SEL1L2: variants seen among roughly 807,000 people sequenced by gnomAD.
SEL1L2 encodes the protein SEL1L2 adaptor subunit of SYVN1 ubiquitin ligase.
A neutral mutation model predicts 98.8 loss-of-function variants in SEL1L2; 89 were observed. That is an observed-to-expected ratio of 0.90 (90% CI 0.76 to 1.07). The LOEUF is 1.07. Ranked by LOEUF, SEL1L2 falls within the 50% of genes least tolerant of loss-of-function variation. The probability of loss-of-function intolerance (pLI) is 0.00; values close to 1 mark genes in which losing one functional copy is unlikely to be tolerated. For synonymous variants in SEL1L2, 262 were observed against 278.5 expected (o/e 0.94, Z 0.59); for missense variants, 788 against 812.0 (o/e 0.97, Z 0.36).
intron 9 of SEL1L2, 23 bp from the exon 10 acceptor site, chr20:13,885,426 T>C: frequency 6.7e-7 from 1 of 1,499,678 alleles, no homozygotes; most frequent in Non-Finnish European, 9.3e-7. Context: ...AGTTTGGAAA[T>C]GATTTTAGCA....
Position 13,876,097 on chromosome 20 carries a change from C to A in SEL1L2, c.1045G>T (p.Ala349Ser). ...FIGKMYLEGN[A>S]AVPQNNATAF... ...GTAGCGTTATTTTGCGGCACGGCAG[C>A]ATTCCCCTCTAAATACATCTAGGAA... The change falls in exon 12 of 20, where the codon GCT (alanine) becomes TCT (serine). Residue 349 changes from alanine (A) to serine (S), a missense_variant. Coordinates refer to ENST00000284951, the MANE Select transcript of SEL1L2 (RefSeq NM_025229.2). The A allele has an allele frequency of 2.5e-6, 4 of 1,613,684 alleles. No individual in the cohort carries two copies. The South Asian group carries it at 4.4e-5, about 18-fold the overall frequency.
At chr20:13,898,792 G>A (rs986919096) in intron 5 of SEL1L2, among the ~76,000 whole-genome samples, 1 of 152,156 alleles carries the variant, frequency 6.6e-6, no homozygotes, top group Non-Finnish European at 1.5e-5. Context: ...ACCCAGGCTG[G>A]AGTACAATGG....
chr20:13,977,555 T>C (rs1310060238), intron 1 of SEL1L2, among the ~76,000 whole-genome samples: 1 of 152,110 alleles, frequency 6.6e-6, no homozygotes, highest in African/African-American at 2.4e-5. Context: ...TCTTGGGATA[T>C]ACATAAAATG....
At chr20:13,916,842 T>A (rs1299385460) in intron 4 of SEL1L2, among the ~76,000 whole-genome samples, 1 of 151,910 alleles carries the variant, frequency 6.6e-6, no homozygotes, top group Non-Finnish European at 1.5e-5. Context: ...AGACTGAGTT[T>A]TGGGGCAAGG....
intron 1 of SEL1L2, among the ~76,000 whole-genome samples, chr20:13,958,722 G>A (rs1396100994): frequency 6.6e-6 from 1 of 151,692 alleles, no homozygotes; most frequent in African/African-American, 2.4e-5. Context: ...AGATCACGAG[G>A]TCAGGAGATC....
upstream of SEL1L2, chr20:13,990,665 C>T (rs1344825228): frequency 1.8e-5 from 12 of 662,542 alleles, no homozygotes; most frequent in Admixed American, 2.9e-5. Flanking sequence ...TACTCTTGGG[C>T]CAATGGGCTG....
chr20:13,856,575 C>T (rs1296308135), intron 18 of SEL1L2, among the ~76,000 whole-genome samples: 1 of 152,144 alleles, frequency 6.6e-6, no homozygotes, highest in African/African-American at 2.4e-5. Context: ...GTTCCCAGAA[C>T]AATGATGCAG....
intron 1 of SEL1L2, among the ~76,000 whole-genome samples, chr20:13,966,879 C>CTTTTTTTT (rs35292120): frequency 1.2e-4 from 12 of 104,138 alleles, no homozygotes; most frequent in Admixed American, 3.7e-4. Context: ...AGAGACCTGT[C>CTTTTTTTT]TTTTTTTTTT....
chr20:13,950,749 G>A (rs898751069), intron 2 of SEL1L2, among the ~76,000 whole-genome samples: 1 of 152,152 alleles, frequency 6.6e-6, no homozygotes, highest in East Asian at 1.9e-4. Flanking sequence ...GAAAGACCAC[G>A]AGCTACGTTT....
At chr20:13,932,425 TA>T (rs1300857293) in intron 2 of SEL1L2, among the ~76,000 whole-genome samples, 1 of 149,054 alleles carries the variant, frequency 6.7e-6, no homozygotes, top group East Asian at 2.0e-4. Flanking sequence ...TTATTATTAT[TA>T]TTATTATTAT....
intron 2 of SEL1L2, among the ~76,000 whole-genome samples, chr20:13,950,186 G>T (rs1476323535): frequency 3.9e-5 from 6 of 152,052 alleles, no homozygotes; most frequent in Non-Finnish European, 7.4e-5. Flanking sequence ...GGAATGGAGA[G>T]GTTTTTGTTT....
chr20:13,865,129 G>A (rs1395483847), intron 17 of SEL1L2, 38 bp downstream of exon 17: 4 of 1,519,848 alleles, frequency 2.6e-6, no homozygotes, highest in Non-Finnish European at 3.6e-6. Context: ...CAGAGGACAG[G>A]GACCGGGTAT....
chr20:13,908,898 C>G (rs552535882), intron 5 of SEL1L2, among the ~76,000 whole-genome samples: 1 of 152,218 alleles, frequency 6.6e-6, no homozygotes, highest in African/African-American at 2.4e-5. Flanking sequence ...TTGTACATAC[C>G]CAGAAATTGC....
intron 3 of SEL1L2, among the ~76,000 whole-genome samples, chr20:13,920,046 T>C (rs1333986847): frequency 6.6e-6 from 1 of 151,842 alleles, no homozygotes; most frequent in African/African-American, 2.4e-5. Flanking sequence ...CTGGCCAACA[T>C]GGTGAAACCC....
intron 3 of SEL1L2, among the ~76,000 whole-genome samples, chr20:13,921,471 C>T (rs980635272): frequency 4.6e-5 from 7 of 152,200 alleles, no homozygotes; most frequent in Middle Eastern, 3.4e-3. Flanking sequence ...CACACTCAGC[C>T]GCTGTTTATT....
At chr20:13,953,684 AG>A (rs1244839617) in intron 2 of SEL1L2, among the ~76,000 whole-genome samples, 2 of 152,216 alleles carry the variant, frequency 1.3e-5, no homozygotes, top group Non-Finnish European at 2.9e-5. Flanking sequence ...GCCCACTGGC[AG>A]GAAGTACACT....
intron 5 of SEL1L2, among the ~76,000 whole-genome samples, chr20:13,908,985 G>T (rs1359571782): frequency 1.3e-5 from 2 of 149,014 alleles, no homozygotes; most frequent in Non-Finnish European, 2.9e-5. Context: ...GTTAAATAGG[G>T]TCCCTACCAG....
At chr20:13,900,649 C>G (rs554951256) in intron 5 of SEL1L2, among the ~76,000 whole-genome samples, 1 of 152,184 alleles carries the variant, frequency 6.6e-6, no homozygotes, top group Non-Finnish European at 1.5e-5. Flanking sequence ...CATAATCCGC[C>G]GCTGTGCCTG....
chr20:13,982,455 G>A (rs1465004535), intron 1 of SEL1L2, among the ~76,000 whole-genome samples: 1 of 143,734 alleles, frequency 7.0e-6, no homozygotes, highest in African/African-American at 2.6e-5. Flanking sequence ...AGCCTATAGT[G>A]AGTTGTGATC....
Sources: allele counts gnomAD v4.1 joint callset (sites outside exome capture counted in the v4.1 genomes callset), GRCh38; gene constraint gnomAD v4.1.1; transcripts MANE v1.5; gene names NCBI Gene and HGNC (gene_info 2026-07-23, HGNC 2026-07-21).